KCNAB1: variants seen among roughly 807,000 people sequenced by gnomAD.
KCNAB1 encodes voltage-gated potassium channel subunit beta-1.
A neutral mutation model predicts 64.6 loss-of-function variants in KCNAB1; 35 were observed. The ratio of observed to expected loss-of-function variants is 0.54; its 90% CI spans 0.41 to 0.72. The LOEUF (loss-of-function observed/expected upper bound fraction) is 0.72, where lower values mean the gene tolerates loss of function less well. KCNAB1 is among the 30% of genes least tolerant of loss of function. The pLI is 0.00. For synonymous variants in KCNAB1, 177 were observed against 183.8 expected, an observed-to-expected ratio of 0.96 and a Z score of 0.30; for missense variants, 401 against 512.9, an observed-to-expected ratio of 0.78 and a Z score of 2.11.
At chr3:156,392,292 A>T (rs148197293) in intron 1 of KCNAB1, among the ~76,000 whole-genome samples, 119 of 152,338 alleles carry the variant, frequency 7.8e-4, no homozygotes, top group African/African-American at 2.6e-3. Context: ...GCACTCAACA[A>T]GTATTTGATG....
intron 1 of KCNAB1, among the ~76,000 whole-genome samples, chr3:156,386,212 C>T (rs1236189323): frequency 6.6e-6 from 1 of 152,212 alleles, no homozygotes; most frequent in Non-Finnish European, 1.5e-5. Context: ...AAGTGAGTAA[C>T]TTGAAGAACA....
At chr3:156,239,777 G>C (rs551420097) in intron 1 of KCNAB1, among the ~76,000 whole-genome samples, 10 of 152,096 alleles carry the variant, frequency 6.6e-5, no homozygotes, top group Non-Finnish European at 1.5e-4. Context: ...CTTGGGAAAG[G>C]ATGTAAGTTT....
intron 7 of KCNAB1, among the ~76,000 whole-genome samples, chr3:156,469,403 T>C (rs533716998): frequency 2.9e-4 from 44 of 152,014 alleles, no homozygotes; most frequent in African/African-American, 1.0e-3. Context: ...ACTACAGTCA[T>C]GTGCCACCGT....
chr3:156,325,244 G>C (rs6766110), intron 1 of KCNAB1, among the ~76,000 whole-genome samples: 20,246 of 152,064 alleles, frequency 0.13, 3,564 homozygotes, highest in African/African-American at 0.41. Context: ...AGATCTAAAC[G>C]CAATTTTGTC....
chr3:156,322,398 A>G (rs543572901), intron 1 of KCNAB1, among the ~76,000 whole-genome samples: 5 of 152,348 alleles, frequency 3.3e-5, no homozygotes, highest in Admixed American at 3.3e-4. Context: ...TGGGAAAAAT[A>G]AAAGAACAGT....
intron 1 of KCNAB1, among the ~76,000 whole-genome samples, chr3:156,247,354 C>T (rs1214287218): frequency 6.6e-6 from 1 of 152,292 alleles, no homozygotes; most frequent in Admixed American, 6.5e-5. Flanking sequence ...AATGCTAATT[C>T]GTGTTCAAAG....
intron 1 of KCNAB1, among the ~76,000 whole-genome samples, chr3:156,410,006 C>G (rs988193885): frequency 6.6e-6 from 1 of 152,190 alleles, no homozygotes; most frequent in Non-Finnish European, 1.5e-5. Flanking sequence ...TTAGTAGCTA[C>G]TGAGTAAGCA....
In KCNAB1 at chr3:156,150,228, C is replaced by T. The variant is rs139034394; in HGVS notation, c.275+29342C>T. ...CGTAGTGAAAGGGGCTTATTCAAAA[C>T]AAACAGAACGTGTTATTTCCTATTG... is the stretch of plus-strand genomic sequence containing the variant. On this transcript the variant is annotated intron_variant, in intron 1 of 13. Coordinates refer to ENST00000490337, the MANE Select transcript of KCNAB1 (RefSeq NM_172160.3). 7.9e-4 allele frequency among the ~76,000 whole-genome samples: 121 copies of T among 152,238 alleles called. 1 individual carries two copies. Among genetic ancestry groups the T allele is most frequent in the African/African-American group, 2.8e-3 (115 of 41,540 alleles).
intron 5 of KCNAB1, among the ~76,000 whole-genome samples, chr3:156,460,981 A>G (rs1044872252): frequency 1.3e-5 from 2 of 152,148 alleles, no homozygotes; most frequent in Non-Finnish European, 2.9e-5. Flanking sequence ...TTGATGACCT[A>G]CTTTCTCCTT....
At chr3:156,403,892 T>TAAAAAAAA (rs200824639) in intron 1 of KCNAB1, among the ~76,000 whole-genome samples, 4 of 136,830 alleles carry the variant, frequency 2.9e-5, no homozygotes, top group South Asian at 2.4e-4. Context: ...AGACTCTGCC[T>TAAAAAAAA]AAAAAAAAAA....
intron 1 of KCNAB1, among the ~76,000 whole-genome samples, chr3:156,304,262 C>A (rs777647382): frequency 1.3e-5 from 2 of 152,160 alleles, no homozygotes; most frequent in Non-Finnish European, 2.9e-5. Context: ...CATTCTTTGC[C>A]AGTAAAATCA....
chr3:156,232,360 A>G lies in KCNAB1; in HGVS notation c.275+111474A>G, dbSNP rs983346840. Among the ~76,000 whole-genome samples, 4 of 152,254 alleles carry G rather than the reference A, an allele frequency of 2.6e-5. No homozygotes were observed. The South Asian group carries it at 6.2e-4, about 24-fold the overall frequency. ...TTAATTTGCCCTTCAACAAAGAAAT[A>G]CCAGATACTTACTTACACTTCTGTT... On this transcript the variant is annotated intron_variant, in intron 1 of 13. Transcript: ENST00000490337.
chr3:156,176,914 C>T (rs930740545), intron 1 of KCNAB1: 13 of 1,024,096 alleles, frequency 1.3e-5, no homozygotes, highest in South Asian at 1.1e-4. Flanking sequence ...TCTATCATGG[C>T]GGCAACCGGA....
chr3:156,460,981 A>C (rs1044872252), intron 5 of KCNAB1, among the ~76,000 whole-genome samples: 24 of 152,148 alleles, frequency 1.6e-4, no homozygotes, highest in African/African-American at 5.6e-4. Flanking sequence ...TTGATGACCT[A>C]CTTTCTCCTT....
intron 8 of KCNAB1, among the ~76,000 whole-genome samples, chr3:156,506,484 AG>A (rs1716844641): frequency 2.3e-5 from 2 of 88,672 alleles, no homozygotes; most frequent in South Asian, 9.6e-4. Flanking sequence ...CAAACTGTCT[AG>A]AGTCAGGGAA....
At chr3:156,360,735 A>G (rs748450234) in intron 1 of KCNAB1, among the ~76,000 whole-genome samples, 1 of 151,964 alleles carries the variant, frequency 6.6e-6, no homozygotes, top group African/African-American at 2.4e-5. Flanking sequence ...TTAAAAAAAA[A>G]AAAAAGAAAA....
At chr3:156,205,002 G>A (rs1714566011) in intron 1 of KCNAB1, among the ~76,000 whole-genome samples, 1 of 152,126 alleles carries the variant, frequency 6.6e-6, no homozygotes, top group Non-Finnish European at 1.5e-5. Flanking sequence ...TAGCCAACAT[G>A]TACAACACAA....
At chr3:156,275,503 T>C (rs1388453616) in intron 1 of KCNAB1, among the ~76,000 whole-genome samples, 2 of 152,174 alleles carry the variant, frequency 1.3e-5, no homozygotes, top group Non-Finnish European at 2.9e-5. Context: ...GTGTTCTCTA[T>C]AGCAAGCAAT....
At chr3:156,338,546 A>C (rs1228429269) in intron 1 of KCNAB1, among the ~76,000 whole-genome samples, 3 of 151,834 alleles carry the variant, frequency 2.0e-5, no homozygotes, top group Non-Finnish European at 2.9e-5. Flanking sequence ...TCCCGACCTC[A>C]GGTGATCCAC....
Sources: allele counts gnomAD v4.1 joint callset (sites outside exome capture counted in the v4.1 genomes callset), GRCh38; gene constraint gnomAD v4.1.1; transcripts MANE v1.5; gene names NCBI Gene and HGNC (gene_info 2026-07-23, HGNC 2026-07-21).